Variants in RDH13 observed in about 807,000 individuals in gnomAD.
The protein encoded by RDH13 is retinol dehydrogenase 13, also known as retinol dehydrogenase 13 (all-trans and 9-cis).
A neutral mutation model predicts 28.3 loss-of-function variants in RDH13; 35 were observed. The ratio of observed to expected loss-of-function variants is 1.24; its 90% CI spans 0.95 to 1.64. The LOEUF (loss-of-function observed/expected upper bound fraction) is 1.64. Among genes scored for constraint, RDH13 ranks in the 40% most tolerant of loss-of-function variants. The pLI, the probability that RDH13 is intolerant of heterozygous loss-of-function variation, is 0.00. For missense variants in RDH13, 514 were observed against 446.3 expected (o/e 1.15, Z -1.37); for synonymous variants, 229 against 198.5 (o/e 1.15, Z -1.29).
At chr19:55,059,433 T>C (rs984272677) in intron 1 of RDH13, among the ~76,000 whole-genome samples, 158 bp from the exon 2 acceptor site, 8 of 152,242 alleles carry the variant, frequency 5.3e-5, no homozygotes, top group African/African-American at 1.9e-4. Context: ...TGTCATGTTC[T>C]CCATAAGTGG....
intron 3 of RDH13, among the ~76,000 whole-genome samples, chr19:55,055,620 A>G (rs1460314738): frequency 2.0e-5 from 3 of 151,428 alleles, no homozygotes; most frequent in Non-Finnish European, 4.4e-5. Flanking sequence ...TGGGTGGATC[A>G]CTTGAGCCCA....
chr19:55,061,760 TCCAG>T (rs2075813211), intron 1 of RDH13, among the ~76,000 whole-genome samples: 1 of 148,502 alleles, frequency 6.7e-6, no homozygotes, highest in Non-Finnish European at 1.5e-5. Flanking sequence ...ATGACTGCAC[TCCAG>T]CCTGGGTGAC....
Position 55,063,077 on chromosome 19 carries a change from C to T in RDH13, c.-45G>A. On this transcript the variant is annotated 5_prime_UTR_variant, in exon 1 of 7. Transcript: ENST00000415061. ...TCAGGCGTCAGGGGTCGGCGCGGAG[C>T]TTGCTGCACACCAGCCGCCTGGGTA... is the stretch of plus-strand genomic sequence containing the variant. The T allele has an allele frequency of 8.0e-7, 1 of 1,242,280 alleles. No homozygotes were observed. Among genetic ancestry groups the T allele is most frequent in the South Asian group, 2.1e-5 (1 of 46,720 alleles). 77.0% of individuals were successfully genotyped at this position (1,242,280 alleles called of 1,614,324 possible).
At position 55,063,060 on chromosome 19, in the gene RDH13, C is replaced by A; in HGVS notation, c.-28G>T. ...CGGGCCGGGGACAGGCGTCAGGCGTCAGGGGTCGGCGCGGAGCTTGCTGCA... is the reference window on the plus strand; with the variant it reads ...CGGGCCGGGGACAGGCGTCAGGCGTAAGGGGTCGGCGCGGAGCTTGCTGCA... On this transcript the variant is annotated 5_prime_UTR_variant, in exon 1 of 7. Transcript: ENST00000415061. The A allele has an allele frequency of 7.6e-7, 1 of 1,322,080 alleles. No individual in the cohort carries two copies. The highest frequency in any genetic ancestry group is 9.6e-7 in the Non-Finnish European group (1 of 1,041,946). 81.9% of individuals were successfully genotyped at this position (1,322,080 alleles called of 1,614,324 possible).
In RDH13 at chr19:55,060,088, G is replaced by C. The variant is rs145250129; in HGVS notation, c.66-813C>G. 8.5e-3 allele frequency among the ~76,000 whole-genome samples: 1,292 copies of C among 151,678 alleles called. 36 individuals carry two copies. The highest frequency in any genetic ancestry group is 0.03 in the African/African-American group (1,218 of 41,118). ...TCTGAAATATGGCCTCGTGGGATGAGAAAGACCTGACCGTCCCCCAGCCCA... is the reference window on the plus strand; with the variant it reads ...TCTGAAATATGGCCTCGTGGGATGACAAAGACCTGACCGTCCCCCAGCCCA... On this transcript the variant is annotated intron_variant, in intron 1 of 6. Transcript: ENST00000415061.
downstream of RDH13, chr19:55,041,439 T>C (rs1405289007): frequency 6.6e-6 from 1 of 152,312 alleles, no homozygotes; most frequent in African/African-American, 2.4e-5. Flanking sequence ...AGGCGGAGAA[T>C]GATCCGGTGA....
rs780509071 is a variant in RDH13, at chr19:55,048,807, A to AC, written c.341-45dup. On this transcript the variant is annotated intron_variant, in intron 3 of 6. Transcript: ENST00000415061. ...GGAGGAGACATCCCGGTGAGGACAGACCCCAGCCTGATGCACCAGCAGAAA... is the reference window on the plus strand; with the variant it reads ...GGAGGAGACATCCCGGTGAGGACAGACCCCCAGCCTGATGCACCAGCAGAAA... The AC allele has an allele frequency of 3.9e-6, 6 of 1,526,692 alleles. No individual in the cohort carries two copies. In the Admixed American group the frequency reaches 8.6e-5, roughly 22 times the overall value. 94.6% of individuals were successfully genotyped at this position (1,526,692 alleles called of 1,614,324 possible).
upstream of RDH13, among the ~76,000 whole-genome samples, chr19:55,064,603 G>T (rs949048371): frequency 2.0e-5 from 3 of 148,048 alleles, no homozygotes; most frequent in African/African-American, 7.5e-5. Context: ...ATTTGTTTTT[G>T]TTTGTTTGTT....
chr19:55,066,777 C>T (rs1654462), upstream of RDH13, among the ~76,000 whole-genome samples: 109,626 of 150,948 alleles, frequency 0.73, 40,004 homozygotes, highest in African/African-American at 0.75. Context: ...TCTTTCCCTA[C>T]ACACATCTTA....
chr19:55,052,012 G>A (rs1016948356), intron 3 of RDH13, among the ~76,000 whole-genome samples: 13 of 151,616 alleles, frequency 8.6e-5, no homozygotes, highest in Non-Finnish European at 1.8e-4. Flanking sequence ...GATTGCAGGC[G>A]TGGGCCACAG....
At chr19:55,056,513 G>A (rs2075638921) in intron 3 of RDH13, 140 bp downstream of exon 3, 2 of 968,562 alleles carry the variant, frequency 2.1e-6, no homozygotes, top group East Asian at 5.5e-5. Context: ...TACAAAAAAA[G>A]GCAGCAACTG....
At chr19:55,039,174 A>G (rs2074947239) in exon 3 of RDH13, 1 of 152,116 alleles carries the variant, frequency 6.6e-6, no homozygotes, top group Non-Finnish European at 1.5e-5. Context: ...ATGTCCATCA[A>G]CAACAATGGA....
upstream of RDH13, chr19:55,064,084 C>G (rs1395709360): frequency 6.6e-6 from 1 of 152,156 alleles, no homozygotes; most frequent in African/African-American, 2.4e-5. Context: ...CTTATATGAG[C>G]CCTGCCATAA....
chr19:55,051,647 C>G (rs2075439636), intron 3 of RDH13, among the ~76,000 whole-genome samples: 1 of 151,742 alleles, frequency 6.6e-6, no homozygotes, highest in Non-Finnish European at 1.5e-5. Context: ...TCAGGCTGGT[C>G]TTGAATTCTT....
At position 55,063,122 on chromosome 19, in the gene RDH13, GA is replaced by G; in HGVS notation, c.-91del. The G allele has an allele frequency of 8.5e-7, 1 of 1,175,174 alleles. No homozygotes were observed. Among genetic ancestry groups the G allele is most frequent in the East Asian group, 3.2e-5 (1 of 31,270 alleles). The allele number at this position is 1,175,174 out of a possible 1,614,324, so 72.8% of individuals were successfully genotyped here. A position where few individuals can be genotyped will look rare whatever the true frequency, so the allele number is the denominator to read the frequency against. On this transcript the variant is annotated 5_prime_UTR_variant, in exon 1 of 7. Coordinates refer to ENST00000415061, the MANE Select transcript of RDH13 (RefSeq NM_001145971.2). ...TGGGTAGCTCCGAGGAAGAGCGCGCGACGCAGCCACAGGCGAGCGGAGGCGC... is the reference window on the plus strand; with the variant it reads ...TGGGTAGCTCCGAGGAAGAGCGCGCGCGCAGCCACAGGCGAGCGGAGGCGC...
chr19:55,047,129 G>A (rs1413331126), intron 6 of RDH13: 39 of 1,388,476 alleles, frequency 2.8e-5, no homozygotes, highest in South Asian at 3.3e-5. Context: ...GACTCCAGGC[G>A]TCAGCTCCAC....
At chr19:55,047,206 T>A (rs1182709574) in intron 6 of RDH13, 181 bp downstream of exon 6, 1 of 1,406,674 alleles carries the variant, frequency 7.1e-7, no homozygotes, top group South Asian at 1.6e-5. Flanking sequence ...CCGGGGCTGT[T>A]AGAGGCTGGC....
rs113728593 is a variant in RDH13 at position 55,045,205 on chromosome 19, C to G, written c.865G>C (p.Asp289His). The G allele has an allele frequency of 4.3e-6, 7 of 1,613,572 alleles. No homozygotes were observed. The South Asian group carries it at 4.4e-5, about 10-fold the overall frequency. ...GCCGGGGCCTTCTGTTTGAGTCCAT[C>G]GAAGTACTTTCCGGAAACATCCGCC... is the stretch of plus-strand genomic sequence containing the variant. ...ELADVSGKYF[D>H]GLKQKAPAPE... Residue 289 changes from aspartate to histidine, a missense_variant, in exon 7 of 7, where the codon GAT becomes CAT. Coordinates refer to ENST00000415061, the MANE Select transcript of RDH13 (RefSeq NM_001145971.2).
chr19:55,047,390 G>C lies in RDH13; in HGVS notation c.757C>G (p.Leu253Val), dbSNP rs199550400. 6 of 1,611,506 alleles carry C rather than the reference G, an allele frequency of 3.7e-6. No homozygotes were observed. Among genetic ancestry groups the C allele is most frequent in the Non-Finnish European group, 3.4e-6 (4 of 1,179,862 alleles). The part of the protein sequence containing the change: ...IHGSTFSSTT[L>V]GPIFWLLVKS... The stretch of plus-strand genomic sequence containing the variant: ...CCCAGGCTGGGAGGGGACTCACCGA[G>C]TGTGGTGCTGGAGAAGGTGGAGCCA... Residue 253 changes from leucine to valine, a missense_variant, in exon 6 of 7, where the codon CTC (leucine) becomes GTC (valine). Transcript: ENST00000415061.
Sources: gnomAD v4.1 joint callset for allele counts (sites outside exome capture counted in the v4.1 genomes callset) on GRCh38, gnomAD v4.1.1 for gene constraint, MANE v1.5 for transcripts, NCBI Gene and HGNC (gene_info 2026-07-23, HGNC 2026-07-21) for gene names.